The following NEGR1 variants were observed in gnomAD, a reference collection of about 807,000 sequenced individuals.
NEGR1 encodes neuronal growth regulator 1.
Under a neutral mutation model 40.9 loss-of-function variants are expected in NEGR1, and 10 were observed. That is an observed-to-expected ratio of 0.24 (90% CI 0.15 to 0.42). The LOEUF is 0.42. NEGR1 is among the 10% of genes least tolerant of loss of function. The pLI, the probability that NEGR1 is intolerant of heterozygous loss-of-function variation, is 1.00. For synonymous variants in NEGR1, 185 were observed against 166.8 expected (o/e 1.11, Z -0.84); for missense variants, 352 against 438.9 (o/e 0.80, Z 1.77).
intron 6 of NEGR1, among the ~76,000 whole-genome samples, chr1:71,428,757 T>A (rs1417036005): frequency 6.6e-6 from 1 of 151,656 alleles, no homozygotes; most frequent in Non-Finnish European, 1.5e-5. Flanking sequence ...AAAACTGAGA[T>A]ACATAAATGT....
intron 6 of NEGR1, chr1:71,422,571 A>G (rs1454796942): frequency 6.6e-6 from 1 of 152,220 alleles, no homozygotes; most frequent in East Asian, 1.9e-4. Context: ...GTCAAGCTCA[A>G]AGTCACTTAC....
intron 6 of NEGR1, among the ~76,000 whole-genome samples, chr1:71,553,433 C>T (rs544045298): frequency 6.1e-4 from 92 of 151,552 alleles, no homozygotes; most frequent in African/African-American, 1.1e-3. Context: ...TTATCTTCCC[C>T]GTCTGTGGCT....
chr1:71,968,590 T>C (rs1217295543), intron 1 of NEGR1, among the ~76,000 whole-genome samples: 1 of 152,222 alleles, frequency 6.6e-6, no homozygotes, highest in Non-Finnish European at 1.5e-5. Flanking sequence ...AACAATGCTA[T>C]GAGGAAGAGA....
At chr1:71,504,505 A>T (rs1647019820) in intron 6 of NEGR1, among the ~76,000 whole-genome samples, 1 of 152,204 alleles carries the variant, frequency 6.6e-6, no homozygotes, top group African/African-American at 2.4e-5. Flanking sequence ...GGACGGTTTA[A>T]AAGAAAATAT....
chr1:71,545,751 G>A (rs894636638), intron 6 of NEGR1, among the ~76,000 whole-genome samples: 1 of 151,542 alleles, frequency 6.6e-6, no homozygotes, highest in African/African-American at 2.4e-5. Context: ...AGGCCCGAGG[G>A]GAAAACTCAG....
chr1:71,756,624 A>C (rs1655751596), intron 3 of NEGR1, among the ~76,000 whole-genome samples: 1 of 152,040 alleles, frequency 6.6e-6, no homozygotes, highest in African/African-American at 2.4e-5. Context: ...CCTTCTCTTC[A>C]ACTGGTTCTT....
intron 1 of NEGR1, among the ~76,000 whole-genome samples, chr1:72,023,990 A>C (rs867348516): frequency 1.3e-5 from 2 of 152,266 alleles, no homozygotes; most frequent in African/African-American, 4.8e-5. Context: ...TCATTATATT[A>C]AGAATAACCT....
intron 1 of NEGR1, among the ~76,000 whole-genome samples, chr1:72,126,435 T>A (rs1202299334): frequency 6.6e-6 from 1 of 152,212 alleles, no homozygotes; most frequent in Admixed American, 6.5e-5. Context: ...CAAAAATTTC[T>A]AACTACATTT....
At chr1:72,078,865 C>A (rs1032777770) in intron 1 of NEGR1, among the ~76,000 whole-genome samples, 1 of 150,574 alleles carries the variant, frequency 6.6e-6, no homozygotes, top group Admixed American at 6.6e-5. Context: ...GTCTTGAACT[C>A]CTGACCTCAG....
intron 1 of NEGR1, among the ~76,000 whole-genome samples, chr1:72,032,154 G>C (rs1298833276): frequency 6.6e-6 from 1 of 152,162 alleles, no homozygotes; most frequent in Non-Finnish European, 1.5e-5. Flanking sequence ...TACTTCTCAT[G>C]TGTTTATAAG....
At chr1:71,755,125 C>T (rs1250269709) in intron 3 of NEGR1, among the ~76,000 whole-genome samples, 6 of 152,152 alleles carry the variant, frequency 3.9e-5, no homozygotes, top group Non-Finnish European at 8.8e-5. Flanking sequence ...AAATATCCTT[C>T]TCCTCTCCTC....
chr1:71,748,128 C>G, intron 3 of NEGR1, among the ~76,000 whole-genome samples: 1 of 152,150 alleles, frequency 6.6e-6, no homozygotes, highest in East Asian at 1.9e-4. Flanking sequence ...ATTAAATACT[C>G]TGCTCAACAG....
At chr1:72,015,545 C>T (rs979045947) in intron 1 of NEGR1, among the ~76,000 whole-genome samples, 1 of 152,108 alleles carries the variant, frequency 6.6e-6, no homozygotes, top group African/African-American at 2.4e-5. Context: ...TGGCTAAGAC[C>T]TATAATCCCA....
At chr1:71,435,915 C>T (rs1258454328) in intron 6 of NEGR1, among the ~76,000 whole-genome samples, 1 of 152,154 alleles carries the variant, frequency 6.6e-6, no homozygotes, top group Non-Finnish European at 1.5e-5. Flanking sequence ...TCTGCTTCCT[C>T]CTCAATACAT....
intron 4 of NEGR1, among the ~76,000 whole-genome samples, chr1:71,613,038 C>A (rs1650313583): frequency 6.6e-6 from 1 of 152,128 alleles, no homozygotes; most frequent in African/African-American, 2.4e-5. Context: ...CAGATAAAAT[C>A]TGATTGTTTT....
chr1:71,885,165 G>T (rs1222953752), intron 2 of NEGR1, among the ~76,000 whole-genome samples: 1 of 152,170 alleles, frequency 6.6e-6, no homozygotes, highest in Non-Finnish European at 1.5e-5. Flanking sequence ...CCAACAAACA[G>T]CCCTCAAATG....
At chr1:71,754,273 G>A (rs150237178) in intron 3 of NEGR1, among the ~76,000 whole-genome samples, 63 of 152,214 alleles carry the variant, frequency 4.1e-4, no homozygotes, top group South Asian at 2.1e-3. Context: ...CCTCTACATC[G>A]TGGGTTTACA....
chr1:71,879,263 T>C (rs1237044458), intron 2 of NEGR1, among the ~76,000 whole-genome samples: 2 of 152,144 alleles, frequency 1.3e-5, no homozygotes, highest in Non-Finnish European at 2.9e-5. Context: ...TGCCTTAGAA[T>C]TGAGGCTAAG....
At chr1:71,838,165 T>C (rs1175040553) in intron 2 of NEGR1, among the ~76,000 whole-genome samples, 4 of 152,066 alleles carry the variant, frequency 2.6e-5, no homozygotes, top group Non-Finnish European at 4.4e-5. Flanking sequence ...ATTTAGAAAA[T>C]CGTTAGTATA....
Sources: allele counts gnomAD v4.1 joint callset (sites outside exome capture counted in the v4.1 genomes callset), GRCh38; gene constraint gnomAD v4.1.1; transcripts MANE v1.5; gene names NCBI Gene and HGNC (gene_info 2026-07-23, HGNC 2026-07-21).